Variants in ASIC2 observed in about 807,000 individuals in gnomAD.
ASIC2 encodes the protein acid-sensing ion channel 2.
A neutral mutation model predicts 57.3 loss-of-function variants in ASIC2; 25 were observed. The ratio of observed to expected loss-of-function variants is 0.44; its 90% confidence interval spans 0.32 to 0.61. The LOEUF is 0.61. Ranked by LOEUF, ASIC2 falls within the 20% of genes least tolerant of loss-of-function variation. ASIC2 has a pLI of 0.06. For synonymous variants in ASIC2, 319 were observed against 307.5 expected, an observed-to-expected ratio of 1.04 and a Z score of -0.39; for missense variants, 641 against 738.1, an observed-to-expected ratio of 0.87 and a Z score of 1.52.
At chr17:33,244,536 T>C (rs1390733121) in intron 1 of ASIC2, among the ~76,000 whole-genome samples, 5 of 152,242 alleles carry the variant, frequency 3.3e-5, no homozygotes, top group Admixed American at 1.3e-4. Flanking sequence ...CTAAAATGTT[T>C]ACGCAGACAC....
intron 1 of ASIC2, among the ~76,000 whole-genome samples, chr17:33,871,510 A>G (rs964261649): frequency 2.0e-5 from 3 of 152,118 alleles, no homozygotes; most frequent in Middle Eastern, 3.2e-3. Flanking sequence ...CCTGGCGGGC[A>G]GGGAGCGGCT....
chr17:33,618,578 G>T (rs972662759), intron 1 of ASIC2, among the ~76,000 whole-genome samples: 5 of 152,126 alleles, frequency 3.3e-5, no homozygotes, highest in African/African-American at 9.7e-5. Flanking sequence ...AACAATGTTT[G>T]CATTCTTTCT....
intron 1 of ASIC2, among the ~76,000 whole-genome samples, chr17:33,526,861 C>G (rs1463939956): frequency 6.6e-6 from 1 of 152,196 alleles, no homozygotes; most frequent in East Asian, 1.9e-4. Flanking sequence ...ATGCAGGAAG[C>G]TTTGTAAGAA....
intron 1 of ASIC2, among the ~76,000 whole-genome samples, chr17:33,613,045 G>A (rs904299828): frequency 1.3e-5 from 2 of 152,158 alleles, no homozygotes; most frequent in African/African-American, 4.8e-5. Context: ...TCCAAGGAGG[G>A]AGAGGAATTA....
At position 33,499,578 on chromosome 17, in the gene ASIC2, C is replaced by T. The variant is rs1597753216; in HGVS notation, c.556-387511G>A. On this transcript the variant is annotated intron_variant, in intron 1 of 9. Transcript: ENST00000359872. ...CAACACCTTGATCTTGGACTTTGTC[C>T]TCCAGAACTGTGAGACAATATGTTT... is the stretch of plus-strand genomic sequence containing the variant. Among the ~76,000 whole-genome samples the T allele has an allele frequency of 2.6e-5, 4 of 152,312 alleles. No homozygotes were observed. The South Asian group carries it at 8.3e-4, about 32-fold the overall frequency.
intron 1 of ASIC2, among the ~76,000 whole-genome samples, chr17:33,181,519 C>A (rs1905983029): frequency 6.6e-6 from 1 of 152,110 alleles, no homozygotes; most frequent in Non-Finnish European, 1.5e-5. Flanking sequence ...AGGGAGAGTC[C>A]ATCTTTACCT....
At chr17:33,620,031 T>G (rs1307314286) in intron 1 of ASIC2, among the ~76,000 whole-genome samples, 1 of 151,984 alleles carries the variant, frequency 6.6e-6, no homozygotes, top group East Asian at 1.9e-4. Flanking sequence ...CTTATAAAAG[T>G]TTTCATATGT....
In ASIC2 at chr17:33,176,252, C is replaced by T. The variant is rs116840872; in HGVS notation, c.709-64185G>A. Among the ~76,000 whole-genome samples the T allele has an allele frequency of 3.3e-4, 50 of 152,328 alleles. No individual in the cohort carries two copies. In the East Asian group the frequency reaches 6.9e-3, roughly 21 times the overall value. ...TGAAATCTATTGCTTGTCTGTCTCC[C>T]GCATTGGACTGCAAGCTTTTTGAAG... is the stretch of plus-strand genomic sequence containing the variant. On this transcript the variant is annotated intron_variant, in intron 1 of 9. Transcript: ENST00000225823.
intron 1 of ASIC2, among the ~76,000 whole-genome samples, chr17:33,796,049 T>C (rs1911909488): frequency 1.3e-5 from 2 of 152,270 alleles, no homozygotes; most frequent in Admixed American, 1.3e-4. Context: ...TAAATCTCCA[T>C]GACTGTGAGG....
chr17:34,145,323 T>G (rs1912387309), intron 1 of ASIC2, among the ~76,000 whole-genome samples: 1 of 152,236 alleles, frequency 6.6e-6, no homozygotes. Context: ...TGTGCTGGAT[T>G]GCATCTATTA....
chr17:34,029,305 C>T (rs1907496771), intron 1 of ASIC2, among the ~76,000 whole-genome samples: 1 of 150,992 alleles, frequency 6.6e-6, no homozygotes, highest in Non-Finnish European at 1.5e-5. Flanking sequence ...AAGAAATGTG[C>T]CTGGCACAAA....
chr17:33,285,660 A>C (rs1905127500), intron 1 of ASIC2, among the ~76,000 whole-genome samples: 1 of 152,240 alleles, frequency 6.6e-6, no homozygotes, highest in South Asian at 2.1e-4. Flanking sequence ...CTCCTTCCTC[A>C]TGCAGCTGCA....
intron 1 of ASIC2, among the ~76,000 whole-genome samples, chr17:33,992,629 C>A (rs62056816): frequency 0.032 from 4,825 of 152,290 alleles, 110 homozygotes; most frequent in Non-Finnish European, 0.047. Context: ...TTCTTCCAAA[C>A]CCTGAGTTCA....
chr17:33,298,559 C>T (rs1038231518), intron 1 of ASIC2, among the ~76,000 whole-genome samples: 8 of 152,112 alleles, frequency 5.3e-5, no homozygotes, highest in Admixed American at 2.6e-4. Flanking sequence ...AATAAACATA[C>T]GTGTGCATGT....
chr17:33,475,511 G>A (rs1362766264), intron 1 of ASIC2, among the ~76,000 whole-genome samples: 3 of 152,132 alleles, frequency 2.0e-5, no homozygotes, highest in Non-Finnish European at 4.4e-5. Context: ...TCAACGTTAT[G>A]TGAATGTTTT....
intron 1 of ASIC2, among the ~76,000 whole-genome samples, chr17:33,196,722 A>G (rs1906644411): frequency 6.6e-6 from 1 of 152,224 alleles, no homozygotes; most frequent in Admixed American, 6.5e-5. Flanking sequence ...TGAGACAGAG[A>G]GGAACTGTGG....
At chr17:33,259,470 C>T (rs1909203315) in intron 1 of ASIC2, among the ~76,000 whole-genome samples, 1 of 151,990 alleles carries the variant, frequency 6.6e-6, no homozygotes, top group Non-Finnish European at 1.5e-5. Context: ...GCCAAAGCAC[C>T]TCCCACCGCC....
chr17:33,114,976 A>G (rs1390598977), intron 1 of ASIC2, among the ~76,000 whole-genome samples: 1 of 152,206 alleles, frequency 6.6e-6, no homozygotes, highest in Admixed American at 6.5e-5. Context: ...TTGAGCAGAT[A>G]CAGTGGGAAT....
intron 1 of ASIC2, among the ~76,000 whole-genome samples, chr17:33,822,001 G>A (rs114645717): frequency 1.2e-4 from 18 of 152,226 alleles, no homozygotes; most frequent in African/African-American, 2.4e-4. Flanking sequence ...AAAGAGATAC[G>A]AACTGGTTGG....
Sources: allele counts gnomAD v4.1 joint callset (sites outside exome capture counted in the v4.1 genomes callset), GRCh38; gene constraint gnomAD v4.1.1; transcripts MANE v1.5; gene names NCBI Gene and HGNC (gene_info 2026-07-23, HGNC 2026-07-21).